The following YY1 variants were observed in gnomAD, a reference collection of about 807,000 sequenced individuals.
YY1 encodes the protein YY1 transcription factor, also known as transcriptional repressor protein YY1.
YY1 carries 2 observed loss-of-function variants against 35.6 expected under a neutral mutation model. The ratio of observed to expected loss-of-function variants is 0.06; its 90% CI spans 0.02 to 0.18. YY1 has a LOEUF of 0.18. Among genes scored for constraint, YY1 ranks in the 10% least tolerant of loss-of-function variants. The pLI is 1.00. For missense variants in YY1, 322 were observed against 573.4 expected (o/e 0.56, Z 4.48); for synonymous variants, 268 against 238.9 (o/e 1.12, Z -1.12).
chr14:100,260,009 C>T (rs966244156), intron 1 of YY1, among the ~76,000 whole-genome samples: 1 of 151,442 alleles, frequency 6.6e-6, no homozygotes, highest in African/African-American at 2.5e-5. Flanking sequence ...GAAACTACTA[C>T]AGTCATTTAG....
chr14:100,242,422 T>A (rs1890763880), intron 1 of YY1, among the ~76,000 whole-genome samples: 1 of 138,968 alleles, frequency 7.2e-6, no homozygotes. Context: ...GGAGTCTCGC[T>A]CTGTCGCCCA....
intron 2 of YY1, among the ~76,000 whole-genome samples, chr14:100,266,661 G>C (rs1354091365): frequency 6.6e-6 from 1 of 152,108 alleles, no homozygotes. Flanking sequence ...AAACACCAGG[G>C]CTGAAGAACC....
intron 1 of YY1, among the ~76,000 whole-genome samples, chr14:100,249,275 T>A (rs1041095192): frequency 1.3e-5 from 2 of 151,634 alleles, no homozygotes; most frequent in Admixed American, 1.3e-4. Context: ...CTTGCACTAC[T>A]ACACCCAGCT....
intron 1 of YY1, 116 bp from the exon 2 acceptor site, chr14:100,262,188 A>G: frequency 1.7e-6 from 2 of 1,152,142 alleles, no homozygotes; most frequent in South Asian, 2.8e-5. Context: ...AGAGGGGAGA[A>G]CAAATTGAGC....
intron 1 of YY1, among the ~76,000 whole-genome samples, chr14:100,249,761 T>TTTTG (rs1555369517): frequency 3.7e-5 from 1 of 26,788 alleles, no homozygotes; most frequent in Non-Finnish European, 7.3e-5. Flanking sequence ...TTTTTTTTTG[T>TTTTG]TTGTTTTTGT....
intron 2 of YY1, among the ~76,000 whole-genome samples, chr14:100,270,834 G>C (rs1270523298): frequency 1.3e-5 from 2 of 152,036 alleles, no homozygotes; most frequent in African/African-American, 2.4e-5. Flanking sequence ...CTCAGGAGTT[G>C]AGAATAGTCT....
chr14:100,257,840 C>T (rs552357357), intron 1 of YY1, among the ~76,000 whole-genome samples: 68 of 152,322 alleles, frequency 4.5e-4, no homozygotes, highest in Non-Finnish European at 7.3e-4. Context: ...CTCAACATTG[C>T]TATCATTCTG....
chr14:100,276,300 A>G lies in YY1; in HGVS notation c.904-190A>G. The G allele has an allele frequency of 1.3e-6, 1 of 741,820 alleles. No homozygotes were observed. The highest frequency in any genetic ancestry group is 1.8e-5 in the South Asian group (1 of 54,824). 46.0% of individuals were successfully genotyped at this position (741,820 alleles called of 1,614,324 possible). ...TCTGTAAAACTAGGGTTTGCATTGAATGATGACTTTTTCAGCTGTCTGCTT... is the reference window on the plus strand; with the variant it reads ...TCTGTAAAACTAGGGTTTGCATTGAGTGATGACTTTTTCAGCTGTCTGCTT... On this transcript the variant is annotated intron_variant, in intron 3 of 4. Coordinates refer to ENST00000262238, the MANE Select transcript of YY1 (RefSeq NM_003403.5). The surrounding 1 kb of genome is among the most constrained non-coding windows in gnomAD (Gnocchi z 4.1).
At chr14:100,269,601 C>T (rs1159910179) in intron 2 of YY1, among the ~76,000 whole-genome samples, 1 of 152,098 alleles carries the variant, frequency 6.6e-6, no homozygotes, top group Non-Finnish European at 1.5e-5. Flanking sequence ...CTGTTTTAAC[C>T]TAAGTATATT....
In YY1 at chr14:100,277,332, T is replaced by C. The variant is rs531590214; in HGVS notation, c.1063-86T>C. ...AAAGTGTTTGGTAAAATAAATAGGC[T>C]GTTCTCTAGCAAAGCAGTGAGCTCC... On this transcript the variant is annotated intron_variant, in intron 4 of 4. Coordinates refer to ENST00000262238, the MANE Select transcript of YY1 (RefSeq NM_003403.5). This position sits in a 1 kb window ranked among gnomAD's most constrained non-coding sequence, Gnocchi z 5.6. 67 of 1,470,228 alleles carry C rather than the reference T, an allele frequency of 4.6e-5. 1 individual carries two copies. The South Asian group carries it at 6.8e-4, about 15-fold the overall frequency. 91.1% of individuals were successfully genotyped at this position (1,470,228 alleles called of 1,614,324 possible). A position where few individuals can be genotyped will look rare whatever the true frequency, so the allele number is the denominator to read the frequency against.
At position 100,282,044 on chromosome 14, in the gene YY1, G is replaced by C. The variant is rs1369551579; in HGVS notation, c.*4444G>C. 6.6e-6 allele frequency: 1 copy of C among 152,244 alleles called. No individual in the cohort carries two copies. Among genetic ancestry groups the C allele is most frequent in the Non-Finnish European group, 1.5e-5 (1 of 68,088 alleles). 9.4% of individuals were successfully genotyped at this position (152,244 alleles called of 1,614,324 possible). A position where few individuals can be genotyped will look rare whatever the true frequency, so the allele number is the denominator to read the frequency against. On this transcript the variant is annotated 3_prime_UTR_variant, in exon 5 of 5. Coordinates refer to ENST00000262238, the MANE Select transcript of YY1 (RefSeq NM_003403.5). The stretch of plus-strand genomic sequence containing the variant: ...GTAAAATCTGGAATGGAGCGTTTAA[G>C]CTGAGCGTTAGCATCAGGTCAGCAG...
rs10694000 is a variant in YY1, at chr14:100,248,121, C to CTTTTTTTTTTT, written c.679+8202_679+8212dup. Among the ~76,000 whole-genome samples the CTTTTTTTTTTT allele has an allele frequency of 8.8e-4, 104 of 117,604 alleles. 2 individuals carry two copies. Among genetic ancestry groups the CTTTTTTTTTTT allele is most frequent in the Non-Finnish European group, 1.0e-3 (62 of 60,490 alleles). 77.2% of individuals were successfully genotyped at this position (117,604 alleles called of 152,430 possible). On this transcript the variant is annotated intron_variant, in intron 1 of 4. Transcript: ENST00000262238. ...CACCACGCCCGGCTAATTTTTTTTTCTTTTTTTTTTTTTTGAGACAGTCTC... is the reference window on the plus strand; with the variant it reads ...CACCACGCCCGGCTAATTTTTTTTTCTTTTTTTTTTTTTTTTTTTTTTTTTGAGACAGTCTC...
intron 1 of YY1, among the ~76,000 whole-genome samples, chr14:100,259,117 A>G (rs369299851): frequency 6.6e-6 from 1 of 152,252 alleles, no homozygotes; most frequent in South Asian, 2.1e-4. Flanking sequence ...GGTGAGACAG[A>G]CAATTTGAGA....
chr14:100,242,110 G>C (rs144054874), intron 1 of YY1, among the ~76,000 whole-genome samples: 1 of 151,760 alleles, frequency 6.6e-6, no homozygotes, highest in Non-Finnish European at 1.5e-5. Context: ...AACCACAAAA[G>C]TAAATTTACT....
In YY1 at chr14:100,276,333, T is replaced by C. The variant is rs540467430; in HGVS notation, c.904-157T>C. The C allele has an allele frequency of 3.0e-6, 3 of 986,582 alleles. No homozygotes were observed. The highest frequency in any genetic ancestry group is 1.6e-5 in the African/African-American group (1 of 61,088). 61.1% of individuals were successfully genotyped at this position (986,582 alleles called of 1,614,324 possible). On this transcript the variant is annotated intron_variant, in intron 3 of 4. Coordinates refer to ENST00000262238, the MANE Select transcript of YY1 (RefSeq NM_003403.5). The surrounding 1 kb of genome is among the most constrained non-coding windows in gnomAD (Gnocchi z 4.1). ...TTTTTCAGCTGTCTGCTTTTTGTCT[T>C]AAATGATATTAATGTTCTACCGTAA... is the stretch of plus-strand genomic sequence containing the variant.
intron 1 of YY1, among the ~76,000 whole-genome samples, chr14:100,255,915 CCTT>C (rs1168829130): frequency 6.6e-6 from 1 of 152,084 alleles, no homozygotes; most frequent in Non-Finnish European, 1.5e-5. Context: ...TGATTATAAT[CCTT>C]CTCCTCTCTG....
chr14:100,241,028 T>A (rs765245044), intron 1 of YY1, among the ~76,000 whole-genome samples: 74 of 152,224 alleles, frequency 4.9e-4, no homozygotes, highest in Non-Finnish European at 8.5e-4. Context: ...CTGAAAACCA[T>A]CTAGAGCAAA....
intron 1 of YY1, among the ~76,000 whole-genome samples, chr14:100,254,141 A>T (rs942492359): frequency 2.0e-5 from 3 of 152,062 alleles, no homozygotes; most frequent in Non-Finnish European, 2.9e-5. Context: ...TGGCCAAGAT[A>T]TTTTTTTGAA....
In YY1 at chr14:100,277,140, G is replaced by T; in HGVS notation, c.1063-278G>T. The T allele has an allele frequency of 1.9e-6, 1 of 528,436 alleles. No homozygotes were observed. The highest frequency in any genetic ancestry group is 3.4e-6 in the Non-Finnish European group (1 of 293,322). 32.7% of individuals were successfully genotyped at this position (528,436 alleles called of 1,614,324 possible). On this transcript the variant is annotated intron_variant, in intron 4 of 4. Coordinates refer to ENST00000262238, the MANE Select transcript of YY1 (RefSeq NM_003403.5). This position sits in a 1 kb window ranked among gnomAD's most constrained non-coding sequence, Gnocchi z 5.6. Reference sequence around the variant, plus strand: ...CCTTAATCATTTGTATTTTACTGTTGGAAATGTTTACAGCAGCACTAGGAC... The same window carrying T: ...CCTTAATCATTTGTATTTTACTGTTTGAAATGTTTACAGCAGCACTAGGAC...
Sources: allele counts gnomAD v4.1 joint callset (sites outside exome capture counted in the v4.1 genomes callset), GRCh38; gene constraint gnomAD v4.1.1; non-coding constraint Gnocchi (gnomAD v3.1); transcripts MANE v1.5; gene names NCBI Gene and HGNC (gene_info 2026-07-23, HGNC 2026-07-21).